Variants in TPRG1 observed in about 807,000 individuals in gnomAD.
TPRG1 encodes the protein tumor protein p63-regulated gene 1 protein.
A neutral mutation model predicts 29.3 loss-of-function variants in TPRG1; 29 were observed. The observed-to-expected ratio is 0.99, with a 90% CI of 0.74 to 1.35. The LOEUF is 1.35. TPRG1 is among the 40% of genes most tolerant of loss of function. TPRG1 has a pLI of 0.00. For missense variants in TPRG1, 327 were observed against 335.0 expected (o/e 0.98, Z 0.19); for synonymous variants, 130 against 116.8 (o/e 1.11, Z -0.73).
intron 1 of TPRG1, among the ~76,000 whole-genome samples, chr3:189,185,457 C>T (rs1730790790): frequency 6.6e-6 from 1 of 152,150 alleles, no homozygotes; most frequent in Non-Finnish European, 1.5e-5. Flanking sequence ...AACTCCTGGG[C>T]TCAAGCGATC....
At chr3:189,211,115 C>T (rs1735194545) in intron 2 of TPRG1, among the ~76,000 whole-genome samples, 2 of 152,072 alleles carry the variant, frequency 1.3e-5, no homozygotes, top group African/African-American at 4.8e-5. Context: ...TATATATACA[C>T]AATTCTTGTG....
chr3:189,023,554 C>T (rs937377971), intron 3 of TPRG1, among the ~76,000 whole-genome samples: 16 of 152,162 alleles, frequency 1.1e-4, no homozygotes, highest in Non-Finnish European at 1.8e-4. Flanking sequence ...AGAGGTGTTG[C>T]AGTCATTTGG....
At chr3:189,280,803 G>A (rs1335597122) in intron 4 of TPRG1, among the ~76,000 whole-genome samples, 1 of 152,162 alleles carries the variant, frequency 6.6e-6, no homozygotes, top group African/African-American at 2.4e-5. Flanking sequence ...CTGCATCATA[G>A]CGTTGTATTA....
chr3:189,157,167 G>A (rs1261508893), intron 5 of TPRG1, among the ~76,000 whole-genome samples: 8 of 152,104 alleles, frequency 5.3e-5, no homozygotes, highest in Admixed American at 3.3e-4. Flanking sequence ...GGGCTGCTTC[G>A]CCTTGCTATT....
intron 1 of TPRG1, among the ~76,000 whole-genome samples, chr3:189,173,740 A>G (rs74412532): frequency 0.011 from 1,682 of 152,012 alleles, 37 homozygotes; most frequent in African/African-American, 0.038. Context: ...ATTGCCCACA[A>G]TATGTAGTGA....
chr3:189,249,239 TTTACTC>T (rs1407075207), intron 4 of TPRG1, among the ~76,000 whole-genome samples: 2 of 151,824 alleles, frequency 1.3e-5, no homozygotes, highest in African/African-American at 4.8e-5. Context: ...GTGGATTTCT[TTTACTC>T]TAGTGACTTT....
intron 1 of TPRG1, among the ~76,000 whole-genome samples, chr3:189,191,174 GTTTTC>G (rs1033912071): frequency 1.3e-4 from 19 of 151,998 alleles, no homozygotes; most frequent in Admixed American, 1.0e-3. Context: ...TTATTGTTTT[GTTTTC>G]TTATGGAAAT....
At chr3:189,252,213 GTTATAGAT>G (rs1343875178) in intron 4 of TPRG1, among the ~76,000 whole-genome samples, 2 of 152,176 alleles carry the variant, frequency 1.3e-5, no homozygotes, top group African/African-American at 4.8e-5. Flanking sequence ...TGGGGGTAAG[GTTATAGAT>G]TAACAGCATC....
chr3:189,157,101 C>T (rs1334292784), intron 5 of TPRG1, among the ~76,000 whole-genome samples: 1 of 152,228 alleles, frequency 6.6e-6, no homozygotes, highest in Non-Finnish European at 1.5e-5. Context: ...TGAGCCTCAG[C>T]TTCCCCATTT....
intron 1 of TPRG1, among the ~76,000 whole-genome samples, chr3:189,195,331 A>G (rs955714051): frequency 6.6e-6 from 1 of 152,182 alleles, no homozygotes. Flanking sequence ...CAAGAGGCAG[A>G]GTCCTGCTTC....
chr3:189,289,037 A>C (rs1718549467), intron 4 of TPRG1, among the ~76,000 whole-genome samples: 1 of 152,186 alleles, frequency 6.6e-6, no homozygotes, highest in African/African-American at 2.4e-5. Context: ...AGAGAGTAAA[A>C]ACCTGGGCTG....
In TPRG1 at chr3:189,281,465, T is replaced by C. The variant is rs549136710; in HGVS notation, c.480-28921T>C. ...TGTAGAGGACAGCAAAACAGAAAGA[T>C]GAAAATATTTTTTGTTTAAAAATGT... On this transcript the variant is annotated intron_variant, in intron 4 of 5. Transcript: ENST00000345063. Among the ~76,000 whole-genome samples, 3 of 152,278 alleles carry C rather than the reference T, an allele frequency of 2.0e-5. No homozygotes were observed. The South Asian group carries it at 6.2e-4, about 32-fold the overall frequency.
chr3:189,221,073 C>G (rs1257289050), intron 3 of TPRG1, among the ~76,000 whole-genome samples: 1 of 152,112 alleles, frequency 6.6e-6, no homozygotes, highest in East Asian at 1.9e-4. Flanking sequence ...TCTTTCAAAA[C>G]TGAATATCCA....
At chr3:189,132,719 TTGTC>T (rs1723237816) in intron 3 of TPRG1, 1 of 152,240 alleles carries the variant, frequency 6.6e-6, no homozygotes, top group Non-Finnish European at 1.5e-5. Context: ...TTCCTAGCGT[TTGTC>T]TGGAGAATCA....
At chr3:189,185,591 C>T (rs906655505) in intron 1 of TPRG1, among the ~76,000 whole-genome samples, 22 of 150,958 alleles carry the variant, frequency 1.5e-4, no homozygotes, top group Admixed American at 1.2e-3. Flanking sequence ...GGATTATCTA[C>T]GTGCAAAGCA....
intron 4 of TPRG1, among the ~76,000 whole-genome samples, chr3:189,275,106 C>T (rs1259128322): frequency 1.3e-5 from 2 of 152,050 alleles, no homozygotes; most frequent in African/African-American, 4.8e-5. Context: ...ACAGAATCAC[C>T]TGCAGTGAAG....
chr3:189,271,243 C>T (rs1715075964), intron 4 of TPRG1, among the ~76,000 whole-genome samples: 2 of 152,162 alleles, frequency 1.3e-5, no homozygotes, highest in South Asian at 4.1e-4. Flanking sequence ...CATGGGCAAT[C>T]TTATAAAATC....
chr3:189,297,779 A>G lies in TPRG1; in HGVS notation c.480-12607A>G, dbSNP rs74630032. Among the ~76,000 whole-genome samples, 1,503 of 152,216 alleles carry G rather than the reference A, an allele frequency of 9.9e-3. 30 individuals carry two copies. Among genetic ancestry groups the G allele is most frequent in the African/African-American group, 0.034 (1,413 of 41,520 alleles). On this transcript the variant is annotated intron_variant, in intron 4 of 5. Transcript: ENST00000345063. Reference sequence around the variant, plus strand: ...CTTCAAAGAGCATATCGTGCTGCCAATGGACATAGACATAGGGCTGAGGGG... The same window carrying G: ...CTTCAAAGAGCATATCGTGCTGCCAGTGGACATAGACATAGGGCTGAGGGG...
chr3:189,074,125 G>C (rs1405639809), intron 4 of TPRG1, among the ~76,000 whole-genome samples: 1 of 149,590 alleles, frequency 6.7e-6, no homozygotes, highest in Non-Finnish European at 1.5e-5. Flanking sequence ...CTGCTGTATA[G>C]ATTTGGTGTA....
Sources: allele counts gnomAD v4.1 joint callset (sites outside exome capture counted in the v4.1 genomes callset), GRCh38; gene constraint gnomAD v4.1.1; transcripts MANE v1.5; gene names NCBI Gene and HGNC (gene_info 2026-07-23, HGNC 2026-07-21).